IPCEF1: variants seen among roughly 807,000 people sequenced by gnomAD.
IPCEF1 encodes interaction protein for cytohesin exchange factors 1.
Under a neutral mutation model 50.9 loss-of-function variants are expected in IPCEF1, and 31 were observed. That is an observed-to-expected ratio of 0.61 (90% confidence interval 0.46 to 0.82). The LOEUF is 0.82. Ranked by LOEUF, IPCEF1 falls within the 40% of genes least tolerant of loss-of-function variation. The probability of loss-of-function intolerance (pLI) is 0.00; values close to 1 mark genes in which losing one functional copy is unlikely to be tolerated. For synonymous variants in IPCEF1, 181 were observed against 192.0 expected (o/e 0.94, Z 0.47); for missense variants, 458 against 514.0 (o/e 0.89, Z 1.05).
Position 154,186,468 on chromosome 6 carries a change from A to G in IPCEF1, c.910+13200T>C, listed in dbSNP as rs561305217. Among the ~76,000 whole-genome samples, 5 of 152,246 alleles carry G rather than the reference A, an allele frequency of 3.3e-5. No individual in the cohort carries two copies. In the South Asian group the frequency reaches 8.3e-4, roughly 25 times the overall value. ...CAAATCCCATCACCTCCACCTGAAC[A>G]CAGGCAGCAGCCACCTCGCCGCCTA... On this transcript the variant is annotated intron_variant, in intron 10 of 11. Transcript: ENST00000367220.
At position 154,199,889 on chromosome 6, in the gene IPCEF1, G is replaced by A. The variant is rs377243222; in HGVS notation, c.689C>T (p.Ser230Phe). 6.2e-7 allele frequency: 1 copy of A among 1,614,182 alleles called. No individual in the cohort carries two copies. Among genetic ancestry groups the A allele is most frequent in the Non-Finnish European group, 8.5e-7 (1 of 1,180,022 alleles). ...QSLPDTVNSLSAAEDEGQPIT... is the reference protein window; with the variant it reads ...QSLPDTVNSLFAAEDEGQPIT... Reference sequence around the variant, plus strand: ...TGGTTGTCCCTCATCTTCAGCAGCAGACAAACTGTTAACTGTGTCAGGCAA... The same window carrying A: ...TGGTTGTCCCTCATCTTCAGCAGCAAACAAACTGTTAACTGTGTCAGGCAA... Residue 230 changes from serine (S) to phenylalanine (F), a missense_variant, in exon 10 of 12, where the codon TCT becomes TTT. Ser to Phe is a radical substitution (Grantham distance 155). Coordinates refer to ENST00000367220, the MANE Select transcript of IPCEF1 (RefSeq NM_001130700.2).
At chr6:154,249,909 C>CT (rs11304782) in intron 3 of IPCEF1, among the ~76,000 whole-genome samples, 2 of 145,432 alleles carry the variant, frequency 1.4e-5, no homozygotes, top group Non-Finnish European at 3.1e-5. Flanking sequence ...CAAAGAAAGG[C>CT]TTTTTTTTTG....
chr6:154,229,498 C>T (rs1218918036), intron 5 of IPCEF1, among the ~76,000 whole-genome samples: 4 of 151,508 alleles, frequency 2.6e-5, no homozygotes, highest in East Asian at 2.0e-4. Context: ...TACAGGCACC[C>T]GCCACCACAC....
intron 2 of IPCEF1, among the ~76,000 whole-genome samples, chr6:154,269,623 A>T (rs879625234): frequency 6.6e-6 from 1 of 152,152 alleles, no homozygotes; most frequent in Admixed American, 6.6e-5. Context: ...TGAGTGAGCA[A>T]CCATGCCTGG....
At chr6:154,200,749 A>G (rs912955558) in intron 9 of IPCEF1, among the ~76,000 whole-genome samples, 2 of 152,168 alleles carry the variant, frequency 1.3e-5, no homozygotes, top group Admixed American at 6.5e-5. Context: ...CAAAAGCTGG[A>G]GCCATTCCAG....
chr6:154,247,526 G>C (rs760992653), intron 3 of IPCEF1, 38 bp from the exon 4 acceptor site: 12 of 1,585,980 alleles, frequency 7.6e-6, no homozygotes, highest in Non-Finnish European at 1.0e-5. Flanking sequence ...GGAAATTTCT[G>C]ATTGTGTTGT....
At chr6:154,224,718 A>C (rs1381500609) in intron 5 of IPCEF1, among the ~76,000 whole-genome samples, 1 of 152,118 alleles carries the variant, frequency 6.6e-6, no homozygotes, top group Non-Finnish European at 1.5e-5. Flanking sequence ...CTTAAAAAAA[A>C]CAAACAAACA....
intron 1 of IPCEF1, among the ~76,000 whole-genome samples, chr6:154,309,136 T>G (rs1247681767): frequency 6.6e-6 from 1 of 152,210 alleles, no homozygotes; most frequent in East Asian, 1.9e-4. Flanking sequence ...GAAGGGAAAC[T>G]CACTTTTACT....
intron 10 of IPCEF1, among the ~76,000 whole-genome samples, chr6:154,197,812 T>C (rs911769577): frequency 2.0e-5 from 3 of 152,226 alleles, no homozygotes; most frequent in African/African-American, 7.2e-5. Flanking sequence ...TTTGAAGCTA[T>C]GCTCATCCTG....
rs1392124974 is a variant in IPCEF1 at position 154,284,179 on chromosome 6, T to C, written c.-18+5534A>G. Reference sequence around the variant, plus strand: ...GGGAAAAAAGAAAGTACCATTAATATAATTCCTTCTTCATAATCCTTTTTC... The same window carrying C: ...GGGAAAAAAGAAAGTACCATTAATACAATTCCTTCTTCATAATCCTTTTTC... On this transcript the variant is annotated intron_variant, in intron 2 of 11. Coordinates refer to ENST00000367220, the MANE Select transcript of IPCEF1 (RefSeq NM_001130700.2). 8.5e-5 allele frequency among the ~76,000 whole-genome samples: 13 copies of C among 152,232 alleles called. 1 individual carries two copies. The highest frequency in any genetic ancestry group is 1.9e-4 in the Non-Finnish European group (13 of 68,042).
Position 154,240,512 on chromosome 6 carries a change from T to C in IPCEF1, c.246+6079A>G, listed in dbSNP as rs530951795. Among the ~76,000 whole-genome samples, 255 of 140,024 alleles carry C rather than the reference T, an allele frequency of 1.8e-3. 1 individual carries two copies. The highest frequency in any genetic ancestry group is 6.4e-3 in the African/African-American group (245 of 38,362). The allele number at this position is 140,024 out of a possible 152,430, so 91.9% of individuals were successfully genotyped here. ...GGGAAAATTAATCTGTTCTTTATTT[T>C]TCTTGAGCTGAAAAAAAAAAAGGTA... On this transcript the variant is annotated intron_variant, in intron 5 of 11. Coordinates refer to ENST00000367220, the MANE Select transcript of IPCEF1 (RefSeq NM_001130700.2).
At chr6:154,287,724 A>T (rs887474362) in intron 2 of IPCEF1, among the ~76,000 whole-genome samples, 2 of 152,216 alleles carry the variant, frequency 1.3e-5, no homozygotes, top group Non-Finnish European at 2.9e-5. Context: ...CTCTTACTAG[A>T]TGCCCACTGT....
chr6:154,195,052 G>A (rs926926843), intron 10 of IPCEF1, among the ~76,000 whole-genome samples: 5 of 151,872 alleles, frequency 3.3e-5, no homozygotes, highest in African/African-American at 9.7e-5. Flanking sequence ...TGCCACCTCA[G>A]CTGTTATGCA....
Position 154,199,944 on chromosome 6 carries a change from G to A in IPCEF1, c.634C>T (p.Pro212Ser), listed in dbSNP as rs1013851697. The A allele has an allele frequency of 1.9e-6, 3 of 1,614,102 alleles. No homozygotes were observed. Among genetic ancestry groups the A allele is most frequent in the Admixed American group, 1.7e-5 (1 of 60,012 alleles). The change falls in exon 10 of 12, where the codon CCT becomes TCT. Residue 212 changes from proline to serine, a missense_variant. Transcript: ENST00000367220. ...ENTVKTPSSF[P>S]SSLSKERQSL... is the part of the protein sequence containing the mutation. The stretch of plus-strand genomic sequence containing the variant: ...TGTCTCTCTTTAGATAAGGAGGAAG[G>A]AAAACTGCTGGGTGTCTTCACTGTA...
At chr6:154,335,432 T>C (rs1399746828) in intron 1 of IPCEF1, among the ~76,000 whole-genome samples, 5 of 152,344 alleles carry the variant, frequency 3.3e-5, no homozygotes, top group African/African-American at 1.2e-4. Flanking sequence ...CTGCCTTTTG[T>C]GAGTTGATTT....
At chr6:154,222,635 C>G (rs1035061307) in intron 6 of IPCEF1, among the ~76,000 whole-genome samples, 7 of 152,136 alleles carry the variant, frequency 4.6e-5, no homozygotes, top group Admixed American at 4.6e-4. Context: ...CTCAGGAAAA[C>G]CAGGACCATG....
At chr6:154,245,744 T>C (rs1780981782) in intron 5 of IPCEF1, among the ~76,000 whole-genome samples, 1 of 152,072 alleles carries the variant, frequency 6.6e-6, no homozygotes, top group Admixed American at 6.6e-5. Context: ...GGACTCACAC[T>C]CTCCTGAGAG....
chr6:154,223,109 G>T (rs746647742), intron 6 of IPCEF1, 61 bp downstream of exon 6: 8 of 1,282,972 alleles, frequency 6.2e-6, no homozygotes, highest in South Asian at 2.4e-5. Context: ...ATCCCTTGGT[G>T]AACATTATGA....
chr6:154,309,235 G>A lies in IPCEF1; in HGVS notation c.-61-19479C>T, dbSNP rs80308660. 9.9e-3 allele frequency among the ~76,000 whole-genome samples: 1,500 copies of A among 152,178 alleles called. 19 individuals carry two copies. Among genetic ancestry groups the A allele is most frequent in the African/African-American group, 0.034 (1,399 of 41,522 alleles). ...ACTACCCATTACATGGTCTCAGAAC[G>A]CCAATAACCGCTCATTCACAGCCTT... On this transcript the variant is annotated intron_variant, in intron 1 of 11. Transcript: ENST00000367220.
Sources: gnomAD v4.1 joint callset for allele counts (sites outside exome capture counted in the v4.1 genomes callset) on GRCh38, gnomAD v4.1.1 for gene constraint, MANE v1.5 for transcripts, NCBI Gene and HGNC (gene_info 2026-07-23, HGNC 2026-07-21) for gene names.